RHEB: variants seen among roughly 807,000 people sequenced by gnomAD.
The protein encoded by RHEB is Ras homolog, mTORC1 binding.
Under a neutral mutation model 28.8 loss-of-function variants are expected in RHEB, and 2 were observed. The ratio of observed to expected loss-of-function variants is 0.07; its 90% CI spans 0.03 to 0.22. The LOEUF (loss-of-function observed/expected upper bound fraction) is 0.22. RHEB is among the 10% of genes least tolerant of loss of function. The probability of loss-of-function intolerance (pLI) is 1.00; values close to 1 mark genes in which losing one functional copy is unlikely to be tolerated. For missense variants in RHEB, 76 were observed against 219.9 expected, an observed-to-expected ratio of 0.35 and a Z score of 4.14; for synonymous variants, 69 against 77.3, an observed-to-expected ratio of 0.89 and a Z score of 0.56.
chr7:151,516,010 C>T (rs1789462737), intron 1 of RHEB, among the ~76,000 whole-genome samples: 1 of 151,680 alleles, frequency 6.6e-6, no homozygotes, highest in South Asian at 2.1e-4. Context: ...GAAAGATGTA[C>T]CAGGCTGAAG....
intron 1 of RHEB, among the ~76,000 whole-genome samples, chr7:151,511,119 G>A (rs545928381): frequency 1.3e-5 from 2 of 152,046 alleles, no homozygotes; most frequent in African/African-American, 4.8e-5. Context: ...TAGCAAAATA[G>A]GCAGACACAT....
At chr7:151,506,596 G>A (rs1192369858) in intron 1 of RHEB, among the ~76,000 whole-genome samples, 1 of 151,992 alleles carries the variant, frequency 6.6e-6, no homozygotes, top group East Asian at 1.9e-4. Flanking sequence ...GAAATAATCC[G>A]CTTAGGATAA....
intron 3 of RHEB, among the ~76,000 whole-genome samples, chr7:151,479,790 A>G (rs1171726196): frequency 6.6e-6 from 1 of 152,214 alleles, no homozygotes; most frequent in Non-Finnish European, 1.5e-5. Flanking sequence ...AACTGAAAAC[A>G]AAACTGTGCA....
At chr7:151,492,023 T>C (rs192216178) in intron 1 of RHEB, among the ~76,000 whole-genome samples, 76 of 152,330 alleles carry the variant, frequency 5.0e-4, no homozygotes, top group African/African-American at 1.7e-3. Context: ...ATAGTTCAGA[T>C]GACTTTATCA....
At chr7:151,518,572 C>T (rs956437198) in intron 1 of RHEB, among the ~76,000 whole-genome samples, 3 of 152,150 alleles carry the variant, frequency 2.0e-5, no homozygotes, top group African/African-American at 7.2e-5. Flanking sequence ...GCTCTGGTTT[C>T]ACACAGGCCA....
At chr7:151,497,879 T>C (rs1322408292) in intron 1 of RHEB, among the ~76,000 whole-genome samples, 1 of 152,234 alleles carries the variant, frequency 6.6e-6, no homozygotes, top group African/African-American at 2.4e-5. Flanking sequence ...GTTAACTTCA[T>C]TCCATGTGGC....
Position 151,472,360 on chromosome 7 carries a change from C to T in RHEB, c.276-755G>A, listed in dbSNP as rs1459018445. On this transcript the variant is annotated intron_variant, in intron 4 of 7. Coordinates refer to ENST00000262187, the MANE Select transcript of RHEB (RefSeq NM_005614.4). This position sits in a 1 kb window ranked among gnomAD's most constrained non-coding sequence, Gnocchi z 5.2. Reference sequence around the variant, plus strand: ...CCAACCCTTCCCCGCCACCCCTGCTCAGCACAGCAACCAGAGGACTCTGCT... The same window carrying T: ...CCAACCCTTCCCCGCCACCCCTGCTTAGCACAGCAACCAGAGGACTCTGCT... 6.6e-6 allele frequency among the ~76,000 whole-genome samples: 1 copy of T among 152,170 alleles called. No individual in the cohort carries two copies. The highest frequency in any genetic ancestry group is 1.5e-5 in the Non-Finnish European group (1 of 68,036).
At chr7:151,519,328 A>G (rs1261851516) in intron 1 of RHEB, 132 bp downstream of exon 1, 2 of 544,394 alleles carry the variant, frequency 3.7e-6, no homozygotes, top group Non-Finnish European at 5.2e-6. Flanking sequence ...AATGGTGGTT[A>G]CGAAACGCGC....
Position 151,519,617 on chromosome 7 carries a change from C to A in RHEB, c.-106G>T, listed in dbSNP as rs1437692869. 28 of 1,068,650 alleles carry A rather than the reference C, an allele frequency of 2.6e-5. No homozygotes were observed. Among genetic ancestry groups the A allele is most frequent in the East Asian group, 1.0e-4 (3 of 28,882 alleles). 66.2% of individuals were successfully genotyped at this position (1,068,650 alleles called of 1,614,324 possible). ...CGCCGGGAGAGAGCGGCATACAGAGCAGGGGCGGCGGCGGGCGCGGCTGCC... is the reference window on the plus strand; with the variant it reads ...CGCCGGGAGAGAGCGGCATACAGAGAAGGGGCGGCGGCGGGCGCGGCTGCC... On this transcript the variant is annotated 5_prime_UTR_variant, in exon 1 of 8. Coordinates refer to ENST00000262187, the MANE Select transcript of RHEB (RefSeq NM_005614.4).
At chr7:151,485,912 A>G (rs1802466028) in intron 2 of RHEB, among the ~76,000 whole-genome samples, 1 of 152,210 alleles carries the variant, frequency 6.6e-6, no homozygotes, top group East Asian at 1.9e-4. Flanking sequence ...CAATGGCCAC[A>G]CTATATTATG....
At chr7:151,516,816 G>A (rs1803090098) in intron 1 of RHEB, among the ~76,000 whole-genome samples, 1 of 151,938 alleles carries the variant, frequency 6.6e-6, no homozygotes, top group Non-Finnish European at 1.5e-5. Flanking sequence ...CTTTTTATGT[G>A]GCTCTACCCC....
chr7:151,517,048 A>C (rs181292294), intron 1 of RHEB, among the ~76,000 whole-genome samples: 1 of 152,156 alleles, frequency 6.6e-6, no homozygotes, highest in Non-Finnish European at 1.5e-5. Flanking sequence ...ACTACAAAAT[A>C]TCCTGGCTCA....
At chr7:151,470,479 G>A in intron 7 of RHEB, 92 bp downstream of exon 7, 1 of 804,126 alleles carries the variant, frequency 1.2e-6, no homozygotes, top group South Asian at 1.6e-5. Flanking sequence ...ACACAGGAGT[G>A]ATCAAGACAG....
intron 1 of RHEB, chr7:151,519,026 C>T (rs1803132469): frequency 6.6e-6 from 1 of 152,328 alleles, no homozygotes; most frequent in Non-Finnish European, 1.5e-5. Context: ...ACTTTCTTTT[C>T]CTTACATCGG....
intron 1 of RHEB, chr7:151,498,278 G>A: frequency 5.4e-6 from 3 of 556,490 alleles, no homozygotes; most frequent in Non-Finnish European, 9.3e-6. Flanking sequence ...AAACATCAAT[G>A]AAAGAAATCA....
intron 1 of RHEB, among the ~76,000 whole-genome samples, chr7:151,504,219 T>C (rs1171045205): frequency 1.3e-5 from 2 of 152,226 alleles, no homozygotes; most frequent in African/African-American, 4.8e-5. Context: ...CAAGTGTCCC[T>C]ATAACCTTAA....
intron 1 of RHEB, among the ~76,000 whole-genome samples, chr7:151,494,256 TG>T (rs1802637287): frequency 6.6e-6 from 1 of 152,248 alleles, no homozygotes; most frequent in Non-Finnish European, 1.5e-5. Flanking sequence ...CCCCAAGCAC[TG>T]GGCAACCAGG....
intron 4 of RHEB, among the ~76,000 whole-genome samples, chr7:151,475,343 G>C (rs180850675): frequency 1.3e-5 from 2 of 152,246 alleles, no homozygotes; most frequent in Admixed American, 1.3e-4. Context: ...GTAACAATTT[G>C]TAAAGTAACA....
At chr7:151,506,064 G>C (rs1802872099) in intron 1 of RHEB, among the ~76,000 whole-genome samples, 1 of 151,872 alleles carries the variant, frequency 6.6e-6, no homozygotes, top group Admixed American at 6.6e-5. Flanking sequence ...GGTTACATAG[G>C]TGCATAAATC....
Sources: allele counts gnomAD v4.1 joint callset (sites outside exome capture counted in the v4.1 genomes callset), GRCh38; gene constraint gnomAD v4.1.1; non-coding constraint Gnocchi (gnomAD v3.1); transcripts MANE v1.5; gene names NCBI Gene and HGNC (gene_info 2026-07-23, HGNC 2026-07-21).